COL4A2: variants seen among roughly 807,000 people sequenced by gnomAD.
COL4A2 encodes the protein collagen alpha-2(IV) chain.
COL4A2 carries 99 observed loss-of-function variants against 200.2 expected under a neutral mutation model. That is an observed-to-expected ratio of 0.49 (90% CI 0.42 to 0.58). COL4A2 has a LOEUF of 0.58. COL4A2 is among the 20% of genes least tolerant of loss of function. The pLI, the probability that COL4A2 is intolerant of heterozygous loss-of-function variation, is 0.00. For missense variants in COL4A2, 1,950 were observed against 2,314.1 expected (o/e 0.84, Z 3.23); for synonymous variants, 897 against 900.6 (o/e 1.00, Z 0.07).
chr13:110,455,722 G>A (rs1272983820), intron 20 of COL4A2, among the ~76,000 whole-genome samples: 10 of 152,152 alleles, frequency 6.6e-5, no homozygotes, highest in Non-Finnish European at 1.2e-4. Flanking sequence ...TACATGGGAC[G>A]GTATCCATGT....
chr13:110,424,933 T>G lies in COL4A2; in HGVS notation c.316-20T>G. The G allele has an allele frequency of 6.2e-7, 1 of 1,614,240 alleles. No homozygotes were observed. The highest frequency in any genetic ancestry group is 8.5e-7 in the Non-Finnish European group (1 of 1,180,048). ...GGCGGGTATCTCAGCCTTGGTTAAT[T>G]GCATTTGCTTTCTTCATAGGGAGCA... is the stretch of plus-strand genomic sequence containing the variant. On this transcript the variant is annotated intron_variant, in intron 5 of 47. Transcript: ENST00000360467.
chr13:110,491,981 C>G, intron 37 of COL4A2, 89 bp from the exon 38 acceptor site: 1 of 1,177,746 alleles, frequency 8.5e-7, no homozygotes, highest in Non-Finnish European at 1.2e-6. Flanking sequence ...TCGGCCCCTC[C>G]CAGAGCGGCT....
chr13:110,508,434 G>C lies in COL4A2; in HGVS notation c.4881+213G>C. The C allele has an allele frequency of 1.3e-6, 1 of 764,836 alleles. No individual in the cohort carries two copies. 47.4% of individuals were successfully genotyped at this position (764,836 alleles called of 1,614,324 possible). A position where few individuals can be genotyped will look rare whatever the true frequency, so the allele number is the denominator to read the frequency against. On this transcript the variant is annotated intron_variant, in intron 47 of 47. Transcript: ENST00000360467. The surrounding 1 kb of genome is among the most constrained non-coding windows in gnomAD (Gnocchi z 6.1). ...CACAGGGCTTCCTCCACCCAGAAAGGGCTCATTAATTTGCCACCAGGCCTT... is the reference window on the plus strand; with the variant it reads ...CACAGGGCTTCCTCCACCCAGAAAGCGCTCATTAATTTGCCACCAGGCCTT...
intron 3 of COL4A2, among the ~76,000 whole-genome samples, chr13:110,343,247 A>G (rs1285303179): frequency 6.6e-6 from 1 of 152,178 alleles, no homozygotes. Flanking sequence ...CCAGGTAGAT[A>G]ATCCACTCCC....
At chr13:110,318,885 CTAGT>C (rs1362259001) in intron 3 of COL4A2, among the ~76,000 whole-genome samples, 1 of 151,878 alleles carries the variant, frequency 6.6e-6, no homozygotes, top group Non-Finnish European at 1.5e-5. Flanking sequence ...ATTGTTAACT[CTAGT>C]TAACAGTATG....
chr13:110,313,203 C>G (rs188869393), intron 3 of COL4A2, among the ~76,000 whole-genome samples: 1 of 152,126 alleles, frequency 6.6e-6, no homozygotes, highest in Non-Finnish European at 1.5e-5. Context: ...TGGATAGTCC[C>G]CTCTTGCTGT....
chr13:110,508,119 TGA>T lies in COL4A2; in HGVS notation c.4781_4782del (p.Glu1594GlyfsTer150). The T allele has an allele frequency of 1.2e-6, 2 of 1,614,246 alleles. No homozygotes were observed. Among genetic ancestry groups the T allele is most frequent in the Non-Finnish European group, 1.7e-6 (2 of 1,180,038 alleles). ...CCTACATCAGCCGCTGTTCTGTGTG[TGA>T]GGCCCCGGCCATCGCCATCGCGGTC... ...KPYISRCSVC[E>X]APAIAIAVHS... is the part of the protein sequence containing the mutation. On this transcript the variant is annotated frameshift_variant, in exon 47 of 48. Transcript: ENST00000360467. LOFTEE classifies it high-confidence loss of function. The surrounding 1 kb of genome is among the most constrained non-coding windows in gnomAD (Gnocchi z 6.1).
chr13:110,486,285 T>C (rs1883116619), intron 34 of COL4A2, among the ~76,000 whole-genome samples: 1 of 152,182 alleles, frequency 6.6e-6, no homozygotes, highest in Non-Finnish European at 1.5e-5. Flanking sequence ...GCACTTGACA[T>C]GGGCCAGACA....
intron 4 of COL4A2, among the ~76,000 whole-genome samples, chr13:110,404,523 CCAACAGGGAGGTG>C (rs1879491202): frequency 6.6e-6 from 1 of 152,122 alleles, no homozygotes; most frequent in Non-Finnish European, 1.5e-5. Context: ...TTGTGCTAGG[CCAACAGGGAGGTG>C]CCGGGAGTGT....
chr13:110,334,807 T>C (rs927160882), intron 3 of COL4A2, among the ~76,000 whole-genome samples: 5 of 152,130 alleles, frequency 3.3e-5, no homozygotes, highest in Admixed American at 3.3e-4. Flanking sequence ...AGATGCAAAA[T>C]TGTATAGAAA....
At chr13:110,385,864 C>T (rs200951587) in intron 4 of COL4A2, among the ~76,000 whole-genome samples, 278 of 4,790 alleles carry the variant, frequency 0.058, 26 homozygotes, top group African/African-American at 0.11. Context: ...GTGGTTGCAG[C>T]GTGTGGATGG....
chr13:110,449,566 C>A, intron 18 of COL4A2, 113 bp from the exon 19 acceptor site: 1 of 985,262 alleles, frequency 1.0e-6, no homozygotes, highest in Non-Finnish European at 1.5e-6. Context: ...CTCATCAGGC[C>A]GCATACAGCA....
intron 26 of COL4A2, 129 bp downstream of exon 26, chr13:110,466,191 G>A: frequency 1.8e-6 from 2 of 1,087,714 alleles, no homozygotes; most frequent in African/African-American, 1.6e-5. Flanking sequence ...GATTTCCATG[G>A]CACAACATAG....
chr13:110,452,834 C>G (rs967576380), intron 20 of COL4A2, among the ~76,000 whole-genome samples: 3 of 152,128 alleles, frequency 2.0e-5, no homozygotes, highest in Non-Finnish European at 4.4e-5. Context: ...ATGATCTCTG[C>G]TCACTGCAAC....
chr13:110,487,672 A>C (rs1883157971), intron 34 of COL4A2, among the ~76,000 whole-genome samples: 1 of 152,236 alleles, frequency 6.6e-6, no homozygotes, highest in African/African-American at 2.4e-5. Context: ...GGTAAAATCC[A>C]ACAACCTAAC....
chr13:110,472,187 C>T (rs1402439196), intron 28 of COL4A2, among the ~76,000 whole-genome samples: 1 of 148,316 alleles, frequency 6.7e-6, no homozygotes, highest in Admixed American at 6.8e-5. Context: ...GCGATCTTGG[C>T]TCACTGCAAG....
At chr13:110,347,939 G>A (rs1308277093) in intron 3 of COL4A2, among the ~76,000 whole-genome samples, 4 of 152,232 alleles carry the variant, frequency 2.6e-5, no homozygotes, top group Non-Finnish European at 4.4e-5. Flanking sequence ...ATGTCTTGCC[G>A]CCGTGTTGAA....
rs142105586 is a variant in COL4A2, at chr13:110,424,258, G to A, written c.181-476G>A. The stretch of plus-strand genomic sequence containing the variant: ...ACAAACATTTTTATATGTTTCAGAA[G>A]CTCTTTTTTTTCCCTCTATGTGAAC... On this transcript the variant is annotated intron_variant, in intron 4 of 47. Coordinates refer to ENST00000360467, the MANE Select transcript of COL4A2 (RefSeq NM_001846.4). Among the ~76,000 whole-genome samples the A allele has an allele frequency of 3.6e-3, 473 of 130,322 alleles. 8 individuals are homozygous for A. The East Asian group carries it at 0.06, about 17-fold the overall frequency. The allele number at this position is 130,322 out of a possible 152,430, so 85.5% of individuals were successfully genotyped here.
intron 4 of COL4A2, among the ~76,000 whole-genome samples, chr13:110,359,020 T>C (rs1337222578): frequency 6.6e-6 from 1 of 152,226 alleles, no homozygotes; most frequent in Non-Finnish European, 1.5e-5. Context: ...AAAAATATTC[T>C]GTAAAGAAAA....
Sources: allele counts gnomAD v4.1 joint callset (sites outside exome capture counted in the v4.1 genomes callset), GRCh38; gene constraint gnomAD v4.1.1; non-coding constraint Gnocchi (gnomAD v3.1); transcripts MANE v1.5; gene names NCBI Gene and HGNC (gene_info 2026-07-23, HGNC 2026-07-21).